The following PTPRD variants were observed in gnomAD, a reference collection of about 807,000 sequenced individuals.
The protein encoded by PTPRD is protein tyrosine phosphatase receptor type D.
A neutral mutation model predicts 214.5 loss-of-function variants in PTPRD; 34 were observed. The observed-to-expected ratio is 0.16, with a 90% CI of 0.12 to 0.21. The LOEUF (loss-of-function observed/expected upper bound fraction) is 0.21, where lower values mean the gene tolerates loss of function less well. Ranked by LOEUF, PTPRD falls within the 10% of genes least tolerant of loss-of-function variation. The pLI, the probability that PTPRD is intolerant of heterozygous loss-of-function variation, is 1.00. For synonymous variants in PTPRD, 1,128 were observed against 845.7 expected (o/e 1.33, Z -5.79); for missense variants, 2,545 against 2,398.7 (o/e 1.06, Z -1.27).
intron 44 of PTPRD, among the ~76,000 whole-genome samples, chr9:8,321,454 GTCT>G (rs1346361309): frequency 9.1e-6 from 1 of 110,462 alleles, no homozygotes; most frequent in Non-Finnish European, 1.9e-5. Flanking sequence ...ATATATAGAA[GTCT>G]TCTTTGTGTG....
Position 10,283,673 on chromosome 9 carries a change from C to G in PTPRD, c.-545+57290G>C, listed in dbSNP as rs866908284. Among the ~76,000 whole-genome samples, 5 of 152,288 alleles carry G rather than the reference C, an allele frequency of 3.3e-5. 1 individual carries two copies. The Middle Eastern group carries it at 0.01, about 311-fold the overall frequency. On this transcript the variant is annotated intron_variant, in intron 3 of 45. Coordinates refer to ENST00000381196, the MANE Select transcript of PTPRD (RefSeq NM_002839.4). ...TTGATATAGGTGAAATTCTAACTGT[C>G]TCTTTGGTATCAAAATTTACAGTTC...
At chr9:10,358,958 G>C (rs2097327953) in intron 2 of PTPRD, among the ~76,000 whole-genome samples, 1 of 151,914 alleles carries the variant, frequency 6.6e-6, no homozygotes, top group South Asian at 2.1e-4. Context: ...CTCATACTTT[G>C]CCATAGAATT....
At chr9:8,549,309 G>A (rs370510667) in intron 14 of PTPRD, among the ~76,000 whole-genome samples, 1 of 152,062 alleles carries the variant, frequency 6.6e-6, no homozygotes, top group Non-Finnish European at 1.5e-5. Flanking sequence ...TAGTTCCTTC[G>A]TGAATGATGG....
intron 9 of PTPRD, among the ~76,000 whole-genome samples, chr9:9,256,524 C>T (rs4628307): frequency 0.29 from 44,274 of 151,546 alleles, 7,045 homozygotes; most frequent in African/African-American, 0.4. Context: ...AATAAAAATT[C>T]CTTGCCTTTC....
rs527740887 is a variant in PTPRD, at chr9:8,406,317, A to C, written c.4087-1657T>G. On this transcript the variant is annotated intron_variant, in intron 35 of 45. Coordinates refer to ENST00000381196, the MANE Select transcript of PTPRD (RefSeq NM_002839.4). ...ATGTCCACACAGAACAGCTCCACTCAGTGATGAGGGCCTGCCTTAAAAATC... is the reference window on the plus strand; with the variant it reads ...ATGTCCACACAGAACAGCTCCACTCCGTGATGAGGGCCTGCCTTAAAAATC... Among the ~76,000 whole-genome samples, 3 of 152,302 alleles carry C rather than the reference A, an allele frequency of 2.0e-5. No homozygotes were observed. The East Asian group carries it at 5.8e-4, about 29-fold the overall frequency.
intron 8 of PTPRD, among the ~76,000 whole-genome samples, chr9:9,437,446 T>G (rs200758498): frequency 4.5e-3 from 15 of 3,336 alleles, no homozygotes; most frequent in African/African-American, 0.037. Context: ...GTGTATCAGG[T>G]TTTTTTATGC....
intron 10 of PTPRD, among the ~76,000 whole-genome samples, chr9:9,039,176 G>A (rs1197938566): frequency 6.6e-6 from 1 of 152,156 alleles, no homozygotes; most frequent in Admixed American, 6.5e-5. Context: ...TGACCTCCAG[G>A]CTAAGGCCAA....
At chr9:9,697,709 T>C (rs1787674320) in intron 7 of PTPRD, among the ~76,000 whole-genome samples, 1 of 152,176 alleles carries the variant, frequency 6.6e-6, no homozygotes, top group Non-Finnish European at 1.5e-5. Flanking sequence ...CCTGCATATT[T>C]ATATAGTGTT....
chr9:9,414,843 G>C (rs935859488), intron 8 of PTPRD: 1 of 152,176 alleles, frequency 6.6e-6, no homozygotes, highest in African/African-American at 2.4e-5. Context: ...TGAATGGAAA[G>C]AGGGAGAGAC....
At chr9:10,394,944 AT>A (rs2098138732) in intron 2 of PTPRD, among the ~76,000 whole-genome samples, 1 of 138,138 alleles carries the variant, frequency 7.2e-6, no homozygotes, top group Non-Finnish European at 1.5e-5. Flanking sequence ...TGTTGCCACC[AT>A]TTTTTCTTTT....
At chr9:10,567,234 A>C (rs1023571753) in intron 2 of PTPRD, among the ~76,000 whole-genome samples, 4 of 152,122 alleles carry the variant, frequency 2.6e-5, no homozygotes, top group Non-Finnish European at 4.4e-5. Context: ...ATGACAATCC[A>C]GACTTCACTA....
At chr9:9,003,362 G>A (rs529530955) in intron 11 of PTPRD, among the ~76,000 whole-genome samples, 1 of 151,964 alleles carries the variant, frequency 6.6e-6, no homozygotes, top group Non-Finnish European at 1.5e-5. Flanking sequence ...ATCTGAGCCT[G>A]TCCTTTTGTT....
At chr9:10,283,488 G>A (rs1565013917) in intron 3 of PTPRD, among the ~76,000 whole-genome samples, 1 of 152,136 alleles carries the variant, frequency 6.6e-6, no homozygotes. Context: ...CTTTGTTATT[G>A]TTATTTGCAC....
At chr9:9,255,804 G>A (rs1304126117) in intron 9 of PTPRD, among the ~76,000 whole-genome samples, 2 of 151,904 alleles carry the variant, frequency 1.3e-5, no homozygotes, top group Non-Finnish European at 2.9e-5. Flanking sequence ...TTTTCATTTT[G>A]TTTATGACTG....
chr9:9,715,547 GAACA>G (rs1369413795), intron 7 of PTPRD, among the ~76,000 whole-genome samples: 3 of 152,046 alleles, frequency 2.0e-5, no homozygotes, highest in East Asian at 3.9e-4. Flanking sequence ...TGAAATCAGA[GAACA>G]AACACCTGTT....
At chr9:9,848,715 T>C (rs934213067) in intron 5 of PTPRD, among the ~76,000 whole-genome samples, 15 of 152,078 alleles carry the variant, frequency 9.9e-5, no homozygotes, top group African/African-American at 3.4e-4. Flanking sequence ...AAATATATCC[T>C]TACATCTTCA....
At chr9:8,913,743 A>G (rs1337907596) in intron 11 of PTPRD, among the ~76,000 whole-genome samples, 2 of 152,098 alleles carry the variant, frequency 1.3e-5, no homozygotes, top group African/African-American at 4.8e-5. Context: ...GAAGAAATTC[A>G]TGCTATCAAT....
intron 10 of PTPRD, among the ~76,000 whole-genome samples, chr9:9,157,920 T>C (rs2099882680): frequency 6.6e-6 from 1 of 152,118 alleles, no homozygotes; most frequent in South Asian, 2.1e-4. Flanking sequence ...CCACTGTGTG[T>C]TCATGTGTTC....
chr9:10,520,490 A>C (rs2051813065), intron 2 of PTPRD, among the ~76,000 whole-genome samples: 1 of 152,250 alleles, frequency 6.6e-6, no homozygotes, highest in Non-Finnish European at 1.5e-5. Flanking sequence ...GCTGATGTAG[A>C]AGCTACGGCA....
Sources: allele counts gnomAD v4.1 joint callset (sites outside exome capture counted in the v4.1 genomes callset), GRCh38; gene constraint gnomAD v4.1.1; transcripts MANE v1.5; gene names NCBI Gene and HGNC (gene_info 2026-07-23, HGNC 2026-07-21).